Variants in RIN2 observed in about 807,000 individuals in gnomAD.
The protein encoded by RIN2 is Ras and Rab interactor 2, also known as RAB5 interacting protein 2.
A neutral mutation model predicts 78.0 loss-of-function variants in RIN2; 36 were observed. That is an observed-to-expected ratio of 0.46 (90% CI 0.35 to 0.61). The LOEUF (loss-of-function observed/expected upper bound fraction) is 0.61. Ranked by LOEUF, RIN2 falls within the 20% of genes least tolerant of loss-of-function variation. The pLI is 0.00. For missense variants in RIN2, 1,087 were observed against 1,159.7 expected (o/e 0.94, Z 0.91); for synonymous variants, 466 against 466.8 (o/e 1.00, Z 0.02).
At chr20:19,874,401 C>T (rs143864412) in intron 2 of RIN2, among the ~76,000 whole-genome samples, 2,870 of 152,302 alleles carry the variant, frequency 0.019, 47 homozygotes, top group Non-Finnish European at 0.029. Flanking sequence ...TTGGCTAATT[C>T]ACGGTTGGTG....
In RIN2 at chr20:19,956,222, C is replaced by T. The variant is rs190818886; in HGVS notation, c.159-393C>T. Among the ~76,000 whole-genome samples, 1,279 of 131,820 alleles carry T rather than the reference C, an allele frequency of 9.7e-3. 12 individuals carry two copies. Among genetic ancestry groups the T allele is most frequent in the South Asian group, 0.049 (206 of 4,218 alleles). The allele number at this position is 131,820 out of a possible 152,430, so 86.5% of individuals were successfully genotyped here. On this transcript the variant is annotated intron_variant, in intron 4 of 12. Transcript: ENST00000255006. ...GCAGTGAGCCCAGATCGCGCCACTG[C>T]ACTCCAGCCTGGGCAACAGAATAAG...
At chr20:19,864,173 G>A (rs961801466) in intron 2 of RIN2, among the ~76,000 whole-genome samples, 2 of 152,054 alleles carry the variant, frequency 1.3e-5, no homozygotes, top group South Asian at 2.1e-4. Flanking sequence ...TGCAAGAGGC[G>A]GGAGAAGTTA....
intron 3 of RIN2, among the ~76,000 whole-genome samples, chr20:19,903,211 C>T (rs2039064875): frequency 6.6e-6 from 1 of 152,104 alleles, no homozygotes; most frequent in Non-Finnish European, 1.5e-5. Flanking sequence ...TAATTTGTTG[C>T]TAGGGGTAGC....
chr20:19,761,903 G>T (rs554689753), intron 1 of RIN2, among the ~76,000 whole-genome samples: 1 of 152,236 alleles, frequency 6.6e-6, no homozygotes, highest in South Asian at 2.1e-4. Context: ...CCCCTCAAAC[G>T]CAGCTCTGTA....
At position 19,908,266 on chromosome 20, in the gene RIN2, C is replaced by T. The variant is rs2039305294; in HGVS notation, c.57+18608C>T. On this transcript the variant is annotated intron_variant, in intron 3 of 12. Transcript: ENST00000255006. ...CAGCACTTTGGGAGGCCGAGGTGGGCAGATCATGAGGTCAGGAGATCGAGA... is the reference window on the plus strand; with the variant it reads ...CAGCACTTTGGGAGGCCGAGGTGGGTAGATCATGAGGTCAGGAGATCGAGA... Among the ~76,000 whole-genome samples the T allele has an allele frequency of 3.3e-5, 5 of 152,048 alleles. No homozygotes were observed. In the South Asian group the frequency reaches 1.0e-3, roughly 32 times the overall value.
chr20:19,955,084 G>T (rs991282658), intron 4 of RIN2, among the ~76,000 whole-genome samples: 3 of 152,038 alleles, frequency 2.0e-5, no homozygotes, highest in African/African-American at 7.3e-5. Context: ...AAGAAACCTG[G>T]TACCTGTTTG....
At chr20:19,930,748 G>A (rs989834047) in intron 3 of RIN2, among the ~76,000 whole-genome samples, 6 of 152,102 alleles carry the variant, frequency 3.9e-5, no homozygotes, top group Non-Finnish European at 5.9e-5. Context: ...TTCAGCAGAC[G>A]TACCCAAACT....
chr20:19,927,804 A>T (rs1016896778), intron 3 of RIN2, among the ~76,000 whole-genome samples: 20 of 152,014 alleles, frequency 1.3e-4, no homozygotes, highest in Admixed American at 2.6e-4. Flanking sequence ...CCTGCCTCAG[A>T]CTCCCACAGC....
At chr20:19,852,664 T>C (rs551956458) in intron 2 of RIN2, among the ~76,000 whole-genome samples, 1 of 152,198 alleles carries the variant, frequency 6.6e-6, no homozygotes, top group African/African-American at 2.4e-5. Context: ...ACTCTTTGTA[T>C]GCTCTTTTCT....
chr20:19,853,879 T>G (rs1600626576), intron 2 of RIN2, among the ~76,000 whole-genome samples: 1 of 151,598 alleles, frequency 6.6e-6, no homozygotes, highest in African/African-American at 2.4e-5. Flanking sequence ...AGCTCTTTAG[T>G]TTAATTAGAT....
chr20:19,821,562 A>G (rs1029690222), intron 2 of RIN2, among the ~76,000 whole-genome samples: 4 of 152,116 alleles, frequency 2.6e-5, no homozygotes, highest in African/African-American at 9.7e-5. Flanking sequence ...CCCCTTCCAC[A>G]GGACACTTGA....
chr20:19,856,605 A>AAAGG (rs1015291248), intron 2 of RIN2, among the ~76,000 whole-genome samples: 2 of 149,682 alleles, frequency 1.3e-5, no homozygotes, highest in African/African-American at 2.5e-5. Context: ...AGGATGGAAG[A>AAAGG]AAGGAAGGAA....
At chr20:19,850,215 G>T (rs1307702619) in intron 2 of RIN2, among the ~76,000 whole-genome samples, 2 of 152,100 alleles carry the variant, frequency 1.3e-5, no homozygotes, top group African/African-American at 4.8e-5. Flanking sequence ...TTTTCTGAGT[G>T]CTGTCTTGCC....
chr20:19,917,624 G>C (rs577285687), intron 3 of RIN2, among the ~76,000 whole-genome samples: 17 of 152,280 alleles, frequency 1.1e-4, no homozygotes, highest in African/African-American at 4.1e-4. Flanking sequence ...CCATACATAA[G>C]TGCAGCCACA....
chr20:19,994,228 C>T (rs992079527), intron 11 of RIN2, among the ~76,000 whole-genome samples: 4 of 152,180 alleles, frequency 2.6e-5, no homozygotes, highest in Non-Finnish European at 4.4e-5. Flanking sequence ...GGGAAGTAGG[C>T]GGCCCAGTTG....
chr20:19,891,971 GT>G (rs1275934826), intron 3 of RIN2, among the ~76,000 whole-genome samples: 1 of 152,190 alleles, frequency 6.6e-6, no homozygotes, highest in African/African-American at 2.4e-5. Context: ...AATCATATTT[GT>G]TTTTATTTGA....
chr20:19,859,718 C>G (rs2037276086), intron 2 of RIN2, among the ~76,000 whole-genome samples: 1 of 151,960 alleles, frequency 6.6e-6, no homozygotes, highest in South Asian at 2.1e-4. Flanking sequence ...GCTTCCTGAA[C>G]TTTCCACATG....
At chr20:19,846,444 C>T (rs968355457) in intron 2 of RIN2, among the ~76,000 whole-genome samples, 8 of 152,126 alleles carry the variant, frequency 5.3e-5, no homozygotes, top group African/African-American at 1.9e-4. Context: ...TCCTTCACAT[C>T]CCTTGTAAGT....
chr20:19,943,814 G>C (rs569192389), intron 4 of RIN2, among the ~76,000 whole-genome samples: 26 of 152,186 alleles, frequency 1.7e-4, no homozygotes, highest in African/African-American at 6.0e-4. Flanking sequence ...CATGCTGGGT[G>C]GTGGGTAAAA....
Sources: allele counts gnomAD v4.1 joint callset (sites outside exome capture counted in the v4.1 genomes callset), GRCh38; gene constraint gnomAD v4.1.1; transcripts MANE v1.5; gene names NCBI Gene and HGNC (gene_info 2026-07-23, HGNC 2026-07-21).